Variants in ERBB4 observed in about 807,000 individuals in gnomAD.
ERBB4 encodes erb-b2 receptor tyrosine kinase 4.
Under a neutral mutation model 158.0 loss-of-function variants are expected in ERBB4, and 42 were observed. The observed-to-expected ratio is 0.27, with a 90% confidence interval of 0.21 to 0.34. The LOEUF is 0.34. Ranked by LOEUF, ERBB4 falls within the 10% of genes least tolerant of loss-of-function variation. The pLI is 1.00. For synonymous variants in ERBB4, 583 were observed against 558.7 expected, an observed-to-expected ratio of 1.04 and a Z score of -0.61; for missense variants, 1,333 against 1,624.1, an observed-to-expected ratio of 0.82 and a Z score of 3.08.
chr2:212,074,072 A>C (rs186704928), intron 2 of ERBB4, among the ~76,000 whole-genome samples: 2 of 152,164 alleles, frequency 1.3e-5, no homozygotes, highest in African/African-American at 4.8e-5. Flanking sequence ...GCCTATGTAC[A>C]TTCTACTGAA....
At chr2:211,948,319 C>T (rs1437661791) in intron 2 of ERBB4, among the ~76,000 whole-genome samples, 2 of 151,160 alleles carry the variant, frequency 1.3e-5, no homozygotes, top group African/African-American at 4.9e-5. Context: ...GCCTGTAGTC[C>T]CAGCTACTTG....
At chr2:211,505,232 C>T (rs2065715095) in intron 20 of ERBB4, among the ~76,000 whole-genome samples, 1 of 151,794 alleles carries the variant, frequency 6.6e-6, no homozygotes, top group Non-Finnish European at 1.5e-5. Flanking sequence ...AAGAAAATTC[C>T]CTCAGACTAA....
chr2:211,668,250 A>G (rs1017125310), intron 14 of ERBB4, among the ~76,000 whole-genome samples: 10 of 152,204 alleles, frequency 6.6e-5, no homozygotes, highest in Admixed American at 6.5e-4. Flanking sequence ...GAAGTGCATG[A>G]CTGTATTTGA....
At chr2:211,850,080 G>T (rs1046301052) in intron 3 of ERBB4, among the ~76,000 whole-genome samples, 5 of 151,754 alleles carry the variant, frequency 3.3e-5, no homozygotes, top group Admixed American at 6.6e-5. Flanking sequence ...TGCTTCCATC[G>T]CTGTTTGCAT....
intron 4 of ERBB4, among the ~76,000 whole-genome samples, chr2:211,762,497 G>A (rs982803229): frequency 6.6e-6 from 1 of 152,164 alleles, no homozygotes; most frequent in Admixed American, 6.5e-5. Context: ...ATATTTCCAG[G>A]TATGTTTCAG....
intron 1 of ERBB4, among the ~76,000 whole-genome samples, chr2:212,190,288 G>A (rs1376086633): frequency 6.6e-6 from 1 of 152,188 alleles, no homozygotes; most frequent in African/African-American, 2.4e-5. Flanking sequence ...TGTAATCCCA[G>A]CACTTTGGGA....
chr2:211,794,080 T>C (rs1225860752), intron 3 of ERBB4, among the ~76,000 whole-genome samples: 1 of 151,972 alleles, frequency 6.6e-6, no homozygotes, highest in Non-Finnish European at 1.5e-5. Flanking sequence ...AATTTCAAGA[T>C]GAAATTATTA....
At chr2:211,451,783 A>G (rs914564547) in intron 20 of ERBB4, among the ~76,000 whole-genome samples, 1 of 152,184 alleles carries the variant, frequency 6.6e-6, no homozygotes, top group Non-Finnish European at 1.5e-5. Context: ...GTTTTAGACT[A>G]CTTAAGGCTG....
chr2:212,388,595 G>T (rs1448481128), intron 1 of ERBB4, among the ~76,000 whole-genome samples: 1 of 152,016 alleles, frequency 6.6e-6, no homozygotes, highest in East Asian at 1.9e-4. Context: ...TGTCACGGAT[G>T]GACTGGAATG....
chr2:211,376,561 G>A lies in ERBB4; in HGVS notation c.*7054C>T, dbSNP rs543542387. 7 of 232,700 alleles carry A rather than the reference G, an allele frequency of 3.0e-5. No homozygotes were observed. Among genetic ancestry groups the A allele is most frequent in the South Asian group, 3.6e-4 (2 of 5,516 alleles). 14.4% of individuals were successfully genotyped at this position (232,700 alleles called of 1,614,324 possible). A position where few individuals can be genotyped will look rare whatever the true frequency, so the allele number is the denominator to read the frequency against. On this transcript the variant is annotated 3_prime_UTR_variant, in exon 28 of 28. Transcript: ENST00000342788. ...TTGAAGATACTTCACAAGAGAGAGG[G>A]CTTGTTTTCTGCTTACAAGTTAAGA...
chr2:211,708,198 A>G (rs1425154714), intron 9 of ERBB4, among the ~76,000 whole-genome samples: 1 of 152,138 alleles, frequency 6.6e-6, no homozygotes, highest in Non-Finnish European at 1.5e-5. Flanking sequence ...CTATAGCCAT[A>G]CTTTCCTAAG....
intron 16 of ERBB4, among the ~76,000 whole-genome samples, chr2:211,640,382 A>G (rs908798536): frequency 6.6e-6 from 1 of 152,164 alleles, no homozygotes; most frequent in Non-Finnish European, 1.5e-5. Context: ...AGAAGTGAAT[A>G]CAGTTGTGGG....
chr2:211,995,664 G>A (rs1378735002), intron 2 of ERBB4, among the ~76,000 whole-genome samples: 1 of 151,998 alleles, frequency 6.6e-6, no homozygotes, highest in African/African-American at 2.4e-5. Context: ...GCTTTTCATA[G>A]GCTCTTGCGC....
intron 1 of ERBB4, among the ~76,000 whole-genome samples, chr2:212,529,874 T>A (rs1413148518): frequency 1.3e-5 from 2 of 152,092 alleles, no homozygotes; most frequent in Non-Finnish European, 1.5e-5. Context: ...AAGCACCAAG[T>A]AAGCCACAAA....
At chr2:211,754,215 G>T (rs1424130333) in intron 4 of ERBB4, among the ~76,000 whole-genome samples, 1 of 150,448 alleles carries the variant, frequency 6.6e-6, no homozygotes, top group Non-Finnish European at 1.5e-5. Context: ...TATTCAGTGT[G>T]AATTAGTTTT....
At chr2:212,190,484 C>A (rs968162037) in intron 1 of ERBB4, among the ~76,000 whole-genome samples, 2 of 147,868 alleles carry the variant, frequency 1.4e-5, no homozygotes, top group Admixed American at 1.4e-4. Context: ...TTGCAGTGAG[C>A]GGAGATCGTG....
At chr2:211,538,709 A>G (rs7594456) in intron 20 of ERBB4, among the ~76,000 whole-genome samples, 100,070 of 151,544 alleles carry the variant, frequency 0.66, 33,422 homozygotes, top group East Asian at 0.79. Context: ...GTATTTTAGA[A>G]CACCACAGAA....
rs113136135 is a variant in ERBB4 at position 212,271,270 on chromosome 2, T to C, written c.83-146367A>G. ...AAGAAAGGAAGAGAGGAAGGTGATC[T>C]GATTGCTAATAATAAGGCTCTTTTT... On this transcript the variant is annotated intron_variant, in intron 1 of 27. Coordinates refer to ENST00000342788, the MANE Select transcript of ERBB4 (RefSeq NM_005235.3). Among the ~76,000 whole-genome samples, 778 of 151,892 alleles carry C rather than the reference T, an allele frequency of 5.1e-3. 4 individuals are homozygous for C. Among genetic ancestry groups the C allele is most frequent in the Middle Eastern group, 0.017 (5 of 294 alleles).
intron 2 of ERBB4, among the ~76,000 whole-genome samples, chr2:212,048,162 G>A (rs1187366775): frequency 6.6e-6 from 1 of 152,102 alleles, no homozygotes; most frequent in African/African-American, 2.4e-5. Context: ...GGAACAGCAT[G>A]GCTAAGGAAG....
Sources: allele counts gnomAD v4.1 joint callset (sites outside exome capture counted in the v4.1 genomes callset), GRCh38; gene constraint gnomAD v4.1.1; transcripts MANE v1.5; gene names NCBI Gene and HGNC (gene_info 2026-07-23, HGNC 2026-07-21).